The following SPOCK1 variants were observed in gnomAD, a reference collection of about 807,000 sequenced individuals.
The protein encoded by SPOCK1 is SPARC (osteonectin), cwcv and kazal like domains proteoglycan 1.
A neutral mutation model predicts 55.3 loss-of-function variants in SPOCK1; 23 were observed. The observed-to-expected ratio is 0.42, with a 90% CI of 0.30 to 0.59. The LOEUF (loss-of-function observed/expected upper bound fraction) is 0.59, where lower values mean the gene tolerates loss of function less well. Among genes scored for constraint, SPOCK1 ranks in the 20% least tolerant of loss-of-function variants. SPOCK1 has a pLI of 0.22. For synonymous variants in SPOCK1, 226 were observed against 221.0 expected (o/e 1.02, Z -0.20); for missense variants, 499 against 552.5 (o/e 0.90, Z 0.97).
chr5:137,183,595 T>C (rs1755009963), intron 3 of SPOCK1, among the ~76,000 whole-genome samples: 1 of 152,196 alleles, frequency 6.6e-6, no homozygotes, highest in Admixed American at 6.5e-5. Flanking sequence ...CAGAGGACTT[T>C]TGCAGCCTGT....
intron 2 of SPOCK1, among the ~76,000 whole-genome samples, chr5:137,389,733 G>C (rs539753149): frequency 6.6e-6 from 1 of 152,354 alleles, no homozygotes; most frequent in East Asian, 1.9e-4. Context: ...CTCATGGTTG[G>C]AGTGTGGAAG....
intron 6 of SPOCK1, among the ~76,000 whole-genome samples, chr5:137,055,239 G>A (rs1165203283): frequency 6.6e-6 from 1 of 152,210 alleles, no homozygotes; most frequent in Non-Finnish European, 1.5e-5. Context: ...ACTTAAGGGA[G>A]AAAGAGCATA....
At chr5:137,232,277 T>A (rs1756078388) in intron 3 of SPOCK1, among the ~76,000 whole-genome samples, 1 of 152,164 alleles carries the variant, frequency 6.6e-6, no homozygotes, top group African/African-American at 2.4e-5. Context: ...GCCTAAATCC[T>A]GAAGATTTTT....
chr5:137,300,347 T>C (rs1302429090), intron 2 of SPOCK1, among the ~76,000 whole-genome samples: 1 of 152,210 alleles, frequency 6.6e-6, no homozygotes, highest in South Asian at 2.1e-4. Flanking sequence ...AATTCTCACA[T>C]CTGGATCATT....
intron 2 of SPOCK1, among the ~76,000 whole-genome samples, chr5:137,381,633 T>C (rs1437569044): frequency 6.6e-6 from 1 of 152,234 alleles, no homozygotes. Context: ...GTCTGAGCTG[T>C]ACCTTGGTCC....
intron 6 of SPOCK1, among the ~76,000 whole-genome samples, chr5:137,028,027 C>G (rs1045545470): frequency 1.3e-5 from 2 of 152,200 alleles, no homozygotes; most frequent in Non-Finnish European, 2.9e-5. Flanking sequence ...CCCATCCCCC[C>G]TCCAAACTGG....
chr5:137,201,786 C>A (rs932726360), intron 3 of SPOCK1, among the ~76,000 whole-genome samples: 1 of 152,208 alleles, frequency 6.6e-6, no homozygotes, highest in African/African-American at 2.4e-5. Context: ...ACGGTACACA[C>A]TGTCTCTTCT....
chr5:137,364,205 T>A (rs941618012), intron 2 of SPOCK1, among the ~76,000 whole-genome samples: 1 of 152,186 alleles, frequency 6.6e-6, no homozygotes, highest in Non-Finnish European at 1.5e-5. Flanking sequence ...GGACAGAGGT[T>A]AAATACCGAG....
intron 2 of SPOCK1, among the ~76,000 whole-genome samples, chr5:137,497,994 G>T (rs966013303): frequency 6.6e-6 from 1 of 152,014 alleles, no homozygotes; most frequent in African/African-American, 2.4e-5. Flanking sequence ...CCCCGGGGAG[G>T]TTTTCTCCGG....
chr5:137,468,888 A>T (rs1753675934), intron 2 of SPOCK1, among the ~76,000 whole-genome samples: 1 of 152,176 alleles, frequency 6.6e-6, no homozygotes, highest in Non-Finnish European at 1.5e-5. Context: ...TCACACACAC[A>T]TGCCGACAAC....
chr5:137,328,145 G>C (rs958819044), intron 2 of SPOCK1, among the ~76,000 whole-genome samples: 1 of 152,200 alleles, frequency 6.6e-6, no homozygotes, highest in African/African-American at 2.4e-5. Flanking sequence ...CAATAAATCT[G>C]TGCCAGTAAA....
intron 2 of SPOCK1, among the ~76,000 whole-genome samples, chr5:137,421,605 G>C (rs1314974496): frequency 1.3e-5 from 2 of 152,126 alleles, no homozygotes; most frequent in Non-Finnish European, 2.9e-5. Context: ...TTTTATCAGA[G>C]ACTAGGATTG....
intron 6 of SPOCK1, among the ~76,000 whole-genome samples, chr5:137,030,462 T>C (rs1471756963): frequency 6.6e-6 from 1 of 152,224 alleles, no homozygotes; most frequent in Non-Finnish European, 1.5e-5. Flanking sequence ...AAGGAAGGAC[T>C]GCAGCTTGCC....
At chr5:137,279,151 A>C (rs1412807949) in intron 2 of SPOCK1, among the ~76,000 whole-genome samples, 2 of 152,186 alleles carry the variant, frequency 1.3e-5, no homozygotes, top group Non-Finnish European at 2.9e-5. Context: ...TGACTCCACC[A>C]AACTGGTATT....
intron 3 of SPOCK1, among the ~76,000 whole-genome samples, chr5:137,193,596 G>A (rs1184739667): frequency 6.6e-6 from 1 of 152,144 alleles, no homozygotes; most frequent in Non-Finnish European, 1.5e-5. Context: ...AGAATTATAA[G>A]TCATGCTTGG....
At chr5:137,390,481 A>C (rs1254435613) in intron 2 of SPOCK1, among the ~76,000 whole-genome samples, 3 of 152,208 alleles carry the variant, frequency 2.0e-5, no homozygotes, top group African/African-American at 7.2e-5. Context: ...CTTGAGGAAG[A>C]AGGTCCTTGT....
intron 3 of SPOCK1, among the ~76,000 whole-genome samples, chr5:137,178,764 C>T (rs1327995481): frequency 6.6e-6 from 1 of 152,230 alleles, no homozygotes; most frequent in Non-Finnish European, 1.5e-5. Context: ...CAGTGACCTG[C>T]ATCTGGGCTG....
At chr5:137,488,092 T>C (rs1179607346) in intron 2 of SPOCK1, among the ~76,000 whole-genome samples, 1 of 152,104 alleles carries the variant, frequency 6.6e-6, no homozygotes, top group African/African-American at 2.4e-5. Flanking sequence ...ATCACCTGGA[T>C]TGGGCTGAGC....
chr5:137,418,432 G>A (rs1185909636), intron 2 of SPOCK1, among the ~76,000 whole-genome samples: 1 of 152,026 alleles, frequency 6.6e-6, no homozygotes. Context: ...CAGTGTAAAA[G>A]TGTTCCTATT....
Sources: gnomAD v4.1 joint callset for allele counts (sites outside exome capture counted in the v4.1 genomes callset) on GRCh38, gnomAD v4.1.1 for gene constraint, MANE v1.5 for transcripts, NCBI Gene and HGNC (gene_info 2026-07-23, HGNC 2026-07-21) for gene names.